The following SF3A1 variants were observed in gnomAD, a reference collection of about 807,000 sequenced individuals.
SF3A1 encodes the protein splicing factor 3a subunit 1.
Under a neutral mutation model 89.9 loss-of-function variants are expected in SF3A1, and 13 were observed. The observed-to-expected ratio is 0.14, with a 90% CI of 0.09 to 0.23. The LOEUF (loss-of-function observed/expected upper bound fraction) is 0.23. Among genes scored for constraint, SF3A1 ranks in the 10% least tolerant of loss-of-function variants. The pLI, the probability that SF3A1 is intolerant of heterozygous loss-of-function variation, is 1.00. For synonymous variants in SF3A1, 405 were observed against 374.4 expected (o/e 1.08, Z -0.94); for missense variants, 604 against 1,022.1 (o/e 0.59, Z 5.58).
In SF3A1 at chr22:30,334,711, C is replaced by T. The variant is rs774167836; in HGVS notation, c.2281-16G>A. 1.1e-5 allele frequency: 17 copies of T among 1,582,230 alleles called. No homozygotes were observed. The highest frequency in any genetic ancestry group is 1.4e-5 in the African/African-American group (1 of 73,448). The stretch of plus-strand genomic sequence containing the variant: ...TGAAGATACCCTGGAAAACAGACAG[C>T]GTGCCTTAGCATGGGGCAACCCAGC... On this transcript the variant is annotated splice_polypyrimidine_tract_variant and intron_variant, in intron 15 of 15. Transcript: ENST00000215793.
At chr22:30,346,562 T>TG (rs745668381) in intron 2 of SF3A1, 43 bp from the exon 3 acceptor site, 45 of 1,604,940 alleles carry the variant, frequency 2.8e-5, no homozygotes, top group Non-Finnish European at 3.7e-5. Context: ...CACTCCCTTG[T>TG]GCCTGCTGTG....
rs1931003449 is a variant in SF3A1, at chr22:30,334,401, C to T, written c.*193G>A. The T allele has an allele frequency of 2.1e-6, 1 of 472,650 alleles. No individual in the cohort carries two copies. 29.3% of individuals were successfully genotyped at this position (472,650 alleles called of 1,614,324 possible). ...ATTCCAGAGAGTGGCTTAGAAAACC[C>T]AGCTACTCTTACCAATGTGGGGAAA... On this transcript the variant is annotated 3_prime_UTR_variant, in exon 16 of 16. Transcript: ENST00000215793.
In SF3A1 at chr22:30,337,673, A is replaced by T; in HGVS notation, c.1951+17T>A. 3.4e-6 allele frequency: 3 copies of T among 892,664 alleles called. No individual in the cohort carries two copies. Among genetic ancestry groups the T allele is most frequent in the Non-Finnish European group, 4.9e-6 (3 of 614,152 alleles). The allele number at this position is 892,664 out of a possible 1,614,324, so 55.3% of individuals were successfully genotyped here. A position where few individuals can be genotyped will look rare whatever the true frequency, so the allele number is the denominator to read the frequency against. Reference sequence around the variant, plus strand: ...CCCTGAACTAATGGCCTGGAAAATGATGCAAGAGATACTGACCTGTTGGCA... The same window carrying T: ...CCCTGAACTAATGGCCTGGAAAATGTTGCAAGAGATACTGACCTGTTGGCA... On this transcript the variant is annotated intron_variant, in intron 12 of 15. Transcript: ENST00000215793.
At chr22:30,343,422 T>A (rs539554884) in intron 4 of SF3A1, among the ~76,000 whole-genome samples, 1 of 152,222 alleles carries the variant, frequency 6.6e-6, no homozygotes, top group Non-Finnish European at 1.5e-5. Context: ...CGATTACATC[T>A]CCAGCCCCCT....
In SF3A1 at chr22:30,342,341, G is replaced by A. The variant is rs548005940; in HGVS notation, c.736C>T (p.Arg246Ter). 1.2e-6 allele frequency: 2 copies of A among 1,607,338 alleles called. No individual in the cohort carries two copies. Among genetic ancestry groups the A allele is most frequent in the East Asian group, 2.2e-5 (1 of 44,754 alleles). The change falls in exon 6 of 16, where the codon CGA becomes TGA. Residue 246 changes from arginine (R) to a stop codon, truncating the protein, a stop_gained. Coordinates refer to ENST00000215793, the MANE Select transcript of SF3A1 (RefSeq NM_005877.6). LOFTEE classifies it high-confidence loss of function. ...TCCTGGAATTTGGCCCATTCCACTC[G>A]GTAACACACCTGCAGAGATGGGAAA... The part of the protein sequence containing the change: ...PREVLDQVCY[R>*]VEWAKFQERE...
intron 2 of SF3A1, among the ~76,000 whole-genome samples, chr22:30,350,424 G>C (rs542312489): frequency 3.8e-4 from 58 of 152,276 alleles, no homozygotes; most frequent in African/African-American, 1.3e-3. Context: ...CAAGGCTGCA[G>C]TGAGCTGTTA....
At chr22:30,338,754 T>C (rs772253792) in intron 11 of SF3A1, 35 bp downstream of exon 11, 10 of 1,612,720 alleles carry the variant, frequency 6.2e-6, no homozygotes, top group Admixed American at 5.0e-5. Context: ...AATGAAGCTC[T>C]AAAAAAGTCA....
chr22:30,344,916 C>G lies in SF3A1; in HGVS notation c.651+17G>C. On this transcript the variant is annotated intron_variant, in intron 4 of 15. Coordinates refer to ENST00000215793, the MANE Select transcript of SF3A1 (RefSeq NM_005877.6). ...CTTTCCTGGGCCCAGGACCCCAGCC[C>G]CATCCTGCCCAGGCACCTTGGTGTA... The G allele has an allele frequency of 1.2e-6, 2 of 1,610,380 alleles. No homozygotes were observed. The highest frequency in any genetic ancestry group is 1.7e-6 in the Non-Finnish European group (2 of 1,176,698).
At chr22:30,349,666 CTT>C (rs58624811) in intron 2 of SF3A1, among the ~76,000 whole-genome samples, 29,575 of 138,752 alleles carry the variant, frequency 0.21, 3,088 homozygotes, top group Middle Eastern at 0.35. Flanking sequence ...TTTTTTCTTT[CTT>C]TTTTTTTTTT....
chr22:30,354,917 C>T (rs1021929112), intron 1 of SF3A1, among the ~76,000 whole-genome samples: 3 of 152,126 alleles, frequency 2.0e-5, no homozygotes, highest in Admixed American at 6.5e-5. Flanking sequence ...GAACGACACC[C>T]GGTCTCTTAA....
chr22:30,346,649 C>A, intron 2 of SF3A1, 130 bp from the exon 3 acceptor site: 2 of 953,276 alleles, frequency 2.1e-6, no homozygotes, highest in Non-Finnish European at 1.6e-6. Flanking sequence ...CAGCAGACGT[C>A]CTCCTCTAGC....
intron 7 of SF3A1, among the ~76,000 whole-genome samples, chr22:30,341,192 C>G (rs967576828): frequency 6.6e-6 from 1 of 152,192 alleles, no homozygotes; most frequent in African/African-American, 2.4e-5. Flanking sequence ...AAAGTCATTT[C>G]CCACAGACAG....
intron 13 of SF3A1, 53 bp downstream of exon 13, chr22:30,336,973 G>A: frequency 6.2e-7 from 1 of 1,607,532 alleles, no homozygotes; most frequent in Non-Finnish European, 8.5e-7. Context: ...TACGACAGGG[G>A]CGGGACTGAA....
chr22:30,342,135 C>T, intron 6 of SF3A1, 65 bp downstream of exon 6: 1 of 1,571,112 alleles, frequency 6.4e-7, no homozygotes, highest in Non-Finnish European at 8.8e-7. Flanking sequence ...GGAACACCTG[C>T]ACCAGGTTTC....
Position 30,341,829 on chromosome 22 carries a change from C to T in SF3A1, c.934G>A (p.Glu312Lys). 6.2e-7 allele frequency: 1 copy of T among 1,614,052 alleles called. No individual in the cohort carries two copies. Among genetic ancestry groups the T allele is most frequent in the Non-Finnish European group, 8.5e-7 (1 of 1,180,020 alleles). ...CTCTCCCCAAACTTTTCATAGCGCT[C>T]CTGAATGAGGATTCGGGCCCCCAGC... ...EELGARILIQ[E>K]RYEKFGESEE... The change falls in exon 7 of 16, where the codon GAG becomes AAG. Residue 312 changes from glutamate to lysine, a missense_variant. Physicochemically the swap from Glu to Lys is moderately conservative, Grantham distance 56 (BLOSUM62 1). This residue lies in a region of SF3A1 where 146 missense variants were observed against 228.5 expected (regional missense o/e 0.64). Coordinates refer to ENST00000215793, the MANE Select transcript of SF3A1 (RefSeq NM_005877.6).
intron 12 of SF3A1, 138 bp downstream of exon 12, chr22:30,337,552 A>G: frequency 1.4e-6 from 1 of 701,490 alleles, no homozygotes; most frequent in African/African-American, 1.8e-5. Context: ...GGATCTTTCA[A>G]TGGGAAGCCA....
chr22:30,356,562 G>A, intron 1 of SF3A1, 168 bp downstream of exon 1: 1 of 477,606 alleles, frequency 2.1e-6, no homozygotes, highest in Non-Finnish European at 3.5e-6. Flanking sequence ...CCCGTTCAGG[G>A]TGGCTCATTT....
chr22:30,342,432 A>G (rs1931288823), intron 5 of SF3A1, 82 bp from the exon 6 acceptor site: 1 of 1,453,396 alleles, frequency 6.9e-7, no homozygotes, highest in Admixed American at 2.1e-5. Flanking sequence ...GGCTTTCATC[A>G]AAGTCAGCGC....
At position 30,340,286 on chromosome 22, in the gene SF3A1, T is replaced by C. The variant is rs774707414; in HGVS notation, c.1285A>G (p.Met429Val). 2.5e-6 allele frequency: 4 copies of C among 1,613,456 alleles called. No individual in the cohort carries two copies. The highest frequency in any genetic ancestry group is 8.5e-7 in the Non-Finnish European group (1 of 1,179,782). Reference protein sequence around the residue: ...KIPASKMQEHMRIGLLDPRWL... With the variant: ...KIPASKMQEHVRIGLLDPRWL... Reference sequence around the variant, plus strand: ...CGAGGGTCAAGAAGTCCAATGCGCATGTGTTCCTGCATTTTGCTGGCGGGG... The same window carrying C: ...CGAGGGTCAAGAAGTCCAATGCGCACGTGTTCCTGCATTTTGCTGGCGGGG... The change falls in exon 9 of 16, where the codon ATG (methionine) becomes GTG (valine). Residue 429 changes from methionine to valine, a missense_variant. Met to Val is a conservative substitution (Grantham distance 21). Transcript: ENST00000215793.
Sources: allele counts gnomAD v4.1 joint callset (sites outside exome capture counted in the v4.1 genomes callset), GRCh38; gene constraint gnomAD v4.1.1; regional missense constraint gnomAD v4.1.1; transcripts MANE v1.5; gene names NCBI Gene and HGNC (gene_info 2026-07-23, HGNC 2026-07-21).